EXT1: variants seen among roughly 807,000 people sequenced by gnomAD.
EXT1 encodes exostosin-1.
Under a neutral mutation model 82.5 loss-of-function variants are expected in EXT1, and 20 were observed. That is an observed-to-expected ratio of 0.24 (90% CI 0.17 to 0.35). The LOEUF (loss-of-function observed/expected upper bound fraction) is 0.35, where lower values mean the gene tolerates loss of function less well. Ranked by LOEUF, EXT1 falls within the 10% of genes least tolerant of loss-of-function variation. The pLI is 1.00. For missense variants in EXT1, 757 were observed against 936.5 expected, an observed-to-expected ratio of 0.81 and a Z score of 2.50; for synonymous variants, 348 against 350.8, an observed-to-expected ratio of 0.99 and a Z score of 0.09.
At chr8:117,914,331 C>T (rs1443233806) in intron 1 of EXT1, among the ~76,000 whole-genome samples, 2 of 152,148 alleles carry the variant, frequency 1.3e-5, no homozygotes, top group East Asian at 1.9e-4. Context: ...GTCAGGACCA[C>T]TGTGATAATT....
intron 1 of EXT1, among the ~76,000 whole-genome samples, chr8:117,894,608 G>A (rs922159103): frequency 2.6e-5 from 4 of 151,984 alleles, no homozygotes; most frequent in Non-Finnish European, 5.9e-5. Flanking sequence ...TAAGTAACCC[G>A]GGAGAGATAC....
At position 117,978,005 on chromosome 8, in the gene EXT1, T is replaced by C. The variant is rs538572647; in HGVS notation, c.962+132080A>G. ...GAAAAGAATTCCTGACCACAATAAT[T>C]AAGAGTGAGGTTGTCTTAACTCAGG... On this transcript the variant is annotated intron_variant, in intron 1 of 10. Coordinates refer to ENST00000378204, the MANE Select transcript of EXT1 (RefSeq NM_000127.3). Among the ~76,000 whole-genome samples the C allele has an allele frequency of 1.1e-4, 17 of 152,288 alleles. 1 individual carries two copies. In the South Asian group the frequency reaches 3.5e-3, roughly 32 times the overall value.
chr8:118,004,535 G>C (rs1175476985), intron 1 of EXT1, among the ~76,000 whole-genome samples: 1 of 152,174 alleles, frequency 6.6e-6, no homozygotes, highest in South Asian at 2.1e-4. Flanking sequence ...CGAAAGGGAG[G>C]AAACCAAAGA....
chr8:117,973,435 T>C (rs1021636388), intron 1 of EXT1, among the ~76,000 whole-genome samples: 1 of 152,162 alleles, frequency 6.6e-6, no homozygotes, highest in African/African-American at 2.4e-5. Context: ...AAGGTATTGA[T>C]GGCTATGTGC....
At chr8:118,024,065 A>G (rs1188404271) in intron 1 of EXT1, among the ~76,000 whole-genome samples, 1 of 152,184 alleles carries the variant, frequency 6.6e-6, no homozygotes, top group Non-Finnish European at 1.5e-5. Context: ...ACCACTTATT[A>G]TCTCCTGGAT....
chr8:117,921,429 C>T (rs151308880), intron 1 of EXT1, among the ~76,000 whole-genome samples: 251 of 152,324 alleles, frequency 1.6e-3, no homozygotes, highest in African/African-American at 5.3e-3. Context: ...AACAATTTTA[C>T]TGAAGGAAAC....
At chr8:117,847,885 ATATCT>A (rs1168114990) in intron 1 of EXT1, among the ~76,000 whole-genome samples, 1 of 147,206 alleles carries the variant, frequency 6.8e-6, no homozygotes, top group Non-Finnish European at 1.5e-5. Context: ...TGGTTATAAA[ATATCT>A]TGAGAATCCA....
intron 1 of EXT1, among the ~76,000 whole-genome samples, chr8:117,928,155 A>G (rs1813986812): frequency 1.3e-5 from 2 of 152,134 alleles, no homozygotes; most frequent in African/African-American, 4.8e-5. Context: ...AGGCCAATGG[A>G]CTCATTTTGC....
intron 8 of EXT1, among the ~76,000 whole-genome samples, chr8:117,808,962 TGG>T (rs1210397072): frequency 6.6e-6 from 1 of 151,918 alleles, no homozygotes; most frequent in African/African-American, 2.4e-5. Flanking sequence ...CCGGCTGAGC[TGG>T]GACATCGAAC....
chr8:117,907,418 G>C (rs1393337725), intron 1 of EXT1, among the ~76,000 whole-genome samples: 2 of 152,180 alleles, frequency 1.3e-5, no homozygotes, highest in Non-Finnish European at 2.9e-5. Context: ...GTTTCATCAT[G>C]ATGGTTCCCC....
intron 1 of EXT1, among the ~76,000 whole-genome samples, chr8:118,045,324 T>C (rs1340118073): frequency 1.3e-5 from 2 of 152,218 alleles, no homozygotes; most frequent in Admixed American, 6.5e-5. Flanking sequence ...ATCGATTTCC[T>C]ATGCAAAGTA....
intron 1 of EXT1, among the ~76,000 whole-genome samples, chr8:117,839,064 T>C (rs1208796303): frequency 6.6e-6 from 1 of 152,140 alleles, no homozygotes; most frequent in Non-Finnish European, 1.5e-5. Flanking sequence ...ATAGGAAAAA[T>C]TCAAATGACA....
intron 1 of EXT1, among the ~76,000 whole-genome samples, chr8:117,857,208 A>T (rs1812579877): frequency 6.6e-6 from 1 of 152,160 alleles, no homozygotes; most frequent in African/African-American, 2.4e-5. Flanking sequence ...TGTAAGATTA[A>T]TGTTGTTTTC....
chr8:117,940,680 C>T (rs1305282005), intron 1 of EXT1, among the ~76,000 whole-genome samples: 2 of 152,084 alleles, frequency 1.3e-5, no homozygotes, highest in Admixed American at 6.6e-5. Context: ...TAAGAAGACT[C>T]GGGAGATGGT....
intron 1 of EXT1, among the ~76,000 whole-genome samples, chr8:117,917,684 G>A (rs1484003181): frequency 6.6e-6 from 1 of 152,158 alleles, no homozygotes; most frequent in Admixed American, 6.6e-5. Flanking sequence ...TGGTACCACT[G>A]CCTTTTCTGT....
intron 1 of EXT1, among the ~76,000 whole-genome samples, chr8:117,853,727 T>C (rs1222826436): frequency 6.6e-6 from 1 of 152,200 alleles, no homozygotes; most frequent in African/African-American, 2.4e-5. Context: ...CCCTTTCCTA[T>C]TGCCGCAAAA....
At chr8:117,884,884 T>C (rs188530679) in intron 1 of EXT1, among the ~76,000 whole-genome samples, 2 of 152,350 alleles carry the variant, frequency 1.3e-5, no homozygotes, top group Non-Finnish European at 2.9e-5. Flanking sequence ...TCAATTTCCC[T>C]TGATTAGCAC....
chr8:117,979,886 T>C lies in EXT1; in HGVS notation c.962+130199A>G, dbSNP rs1411682450. ...AATAAATTACCACTTAAACAAATTG[T>C]TTTGTTCATATGTCTGCTCCCCCAA... On this transcript the variant is annotated intron_variant, in intron 1 of 10. Transcript: ENST00000378204. Among the ~76,000 whole-genome samples, 3 of 152,178 alleles carry C rather than the reference T, an allele frequency of 2.0e-5. No homozygotes were observed. The East Asian group carries it at 5.8e-4, about 29-fold the overall frequency.
intron 1 of EXT1, among the ~76,000 whole-genome samples, chr8:117,974,044 A>C (rs973216371): frequency 6.6e-6 from 1 of 151,990 alleles, no homozygotes; most frequent in Non-Finnish European, 1.5e-5. Context: ...CCTTATCAGG[A>C]AAGTTTTAAG....
Sources: gnomAD v4.1 joint callset for allele counts (sites outside exome capture counted in the v4.1 genomes callset) on GRCh38, gnomAD v4.1.1 for gene constraint, MANE v1.5 for transcripts, NCBI Gene and HGNC (gene_info 2026-07-23, HGNC 2026-07-21) for gene names.